SETD3: variants seen among roughly 807,000 people sequenced by gnomAD.
The protein encoded by SETD3 is SET domain containing 3, actin N3(tau)-histidine methyltransferase.
In SETD3, 19 loss-of-function variants were observed where a neutral mutation model predicts 63.0. The observed-to-expected ratio is 0.30, with a 90% confidence interval of 0.21 to 0.44. The LOEUF (loss-of-function observed/expected upper bound fraction) is 0.44. SETD3 is among the 20% of genes least tolerant of loss of function. The pLI is 1.00. For missense variants in SETD3, 587 were observed against 728.5 expected, an observed-to-expected ratio of 0.81 and a Z score of 2.24; for synonymous variants, 286 against 264.1, an observed-to-expected ratio of 1.08 and a Z score of -0.80.
intron 6 of SETD3, among the ~76,000 whole-genome samples, chr14:99,441,417 G>A (rs1030220150): frequency 2.0e-5 from 3 of 152,196 alleles, no homozygotes; most frequent in African/African-American, 7.2e-5. Flanking sequence ...TAGGCCAGGC[G>A]GCAGTGCCAC....
chr14:99,452,768 C>T (rs1894530342), intron 6 of SETD3, among the ~76,000 whole-genome samples: 1 of 152,210 alleles, frequency 6.6e-6, no homozygotes, highest in Non-Finnish European at 1.5e-5. Context: ...CTGAATTGTG[C>T]TTGCTGTCAC....
intron 1 of SETD3, among the ~76,000 whole-genome samples, chr14:99,469,542 G>C (rs950039462): frequency 6.6e-6 from 1 of 152,160 alleles, no homozygotes; most frequent in African/African-American, 2.4e-5. Context: ...CCAGGAGTTT[G>C]AGACCAGCCT....
At chr14:99,401,568 C>T (rs1484169416) in intron 11 of SETD3, among the ~76,000 whole-genome samples, 1 of 152,192 alleles carries the variant, frequency 6.6e-6, no homozygotes, top group Admixed American at 6.5e-5. Context: ...AGAGAATCAA[C>T]AGACCTAAAA....
At chr14:99,456,201 G>C (rs8022919) in intron 6 of SETD3, among the ~76,000 whole-genome samples, 63,804 of 152,040 alleles carry the variant, frequency 0.42, 13,887 homozygotes, top group East Asian at 0.56. Context: ...ACTTATATGT[G>C]TGACCAGACA....
chr14:99,482,199 A>G (rs1896355329), upstream of SETD3, among the ~76,000 whole-genome samples: 1 of 152,240 alleles, frequency 6.6e-6, no homozygotes, highest in Non-Finnish European at 1.5e-5. Flanking sequence ...ATCTGAGGTT[A>G]GGAACTATTT....
intron 6 of SETD3, among the ~76,000 whole-genome samples, chr14:99,438,644 G>A (rs777917883): frequency 3.9e-5 from 6 of 152,094 alleles, no homozygotes; most frequent in South Asian, 2.1e-4. Flanking sequence ...GGTACTTCTC[G>A]GATTCACCAG....
At chr14:99,410,934 C>T (rs1275570002) in intron 8 of SETD3, among the ~76,000 whole-genome samples, 1 of 152,198 alleles carries the variant, frequency 6.6e-6, no homozygotes, top group Non-Finnish European at 1.5e-5. Flanking sequence ...AGATGATCGT[C>T]AGGATAGACA....
chr14:99,439,791 T>A (rs1893698669), intron 6 of SETD3, among the ~76,000 whole-genome samples: 1 of 151,258 alleles, frequency 6.6e-6, no homozygotes, highest in Non-Finnish European at 1.5e-5. Context: ...TGTATTTATA[T>A]GTATAAATAT....
At chr14:99,450,458 G>A (rs1320624245) in intron 6 of SETD3, among the ~76,000 whole-genome samples, 2 of 152,228 alleles carry the variant, frequency 1.3e-5, no homozygotes, top group African/African-American at 4.8e-5. Context: ...ATCTTCCTCT[G>A]CCTCTTGGCG....
chr14:99,406,005 A>AT (rs1891661404), intron 9 of SETD3, among the ~76,000 whole-genome samples: 1 of 152,196 alleles, frequency 6.6e-6, no homozygotes, highest in Admixed American at 6.5e-5. Context: ...GAATGTAGGA[A>AT]TTTATAGACA....
At chr14:99,409,545 A>G (rs1359944391) in intron 8 of SETD3, among the ~76,000 whole-genome samples, 1 of 152,194 alleles carries the variant, frequency 6.6e-6, no homozygotes, top group Non-Finnish European at 1.5e-5. Flanking sequence ...TCAATGGCAC[A>G]CTTGGTGCAC....
At chr14:99,460,518 G>A (rs927609967) in intron 4 of SETD3, among the ~76,000 whole-genome samples, 11 of 151,862 alleles carry the variant, frequency 7.2e-5, no homozygotes, top group Admixed American at 3.9e-4. Flanking sequence ...GAATGCATAC[G>A]GGCAACTAGC....
intron 6 of SETD3, among the ~76,000 whole-genome samples, chr14:99,435,171 T>C (rs780759962): frequency 5.9e-5 from 9 of 152,188 alleles, no homozygotes; most frequent in Admixed American, 1.3e-4. Flanking sequence ...TGTTTATTCA[T>C]AGACTATGAA....
intron 6 of SETD3, among the ~76,000 whole-genome samples, chr14:99,439,157 G>T (rs971351502): frequency 6.6e-6 from 1 of 152,204 alleles, no homozygotes; most frequent in South Asian, 2.1e-4. Flanking sequence ...AGATTCAGGC[G>T]ACAGACTCAT....
chr14:99,425,535 C>T (rs1892833320), intron 6 of SETD3, among the ~76,000 whole-genome samples: 1 of 152,246 alleles, frequency 6.6e-6, no homozygotes, highest in African/African-American at 2.4e-5. Context: ...AAACAGTAAG[C>T]AGTCAGTAGG....
At chr14:99,443,497 C>G (rs1477340244) in intron 6 of SETD3, among the ~76,000 whole-genome samples, 14 of 152,108 alleles carry the variant, frequency 9.2e-5, no homozygotes, top group Non-Finnish European at 1.9e-4. Flanking sequence ...AGTGATCCGC[C>G]CACCTTGGCC....
chr14:99,421,325 T>G (rs559093860), intron 6 of SETD3, among the ~76,000 whole-genome samples: 2 of 152,122 alleles, frequency 1.3e-5, no homozygotes, highest in African/African-American at 4.8e-5. Flanking sequence ...TAATATATTG[T>G]TTTAGTTTTA....
intron 1 of SETD3, among the ~76,000 whole-genome samples, chr14:99,468,972 A>G (rs79422691): frequency 0.043 from 6,543 of 152,246 alleles, 472 homozygotes; most frequent in African/African-American, 0.15. Flanking sequence ...AGGTCAGGTT[A>G]CAATCCTCAT....
At chr14:99,410,072 G>T in intron 8 of SETD3, 1 of 737,560 alleles carries the variant, frequency 1.4e-6, no homozygotes, top group East Asian at 2.5e-5. Context: ...GCAGGAGGGC[G>T]GATGAGCTGG....
Sources: gnomAD v4.1 joint callset for allele counts (sites outside exome capture counted in the v4.1 genomes callset) on GRCh38, gnomAD v4.1.1 for gene constraint, MANE v1.5 for transcripts, NCBI Gene and HGNC (gene_info 2026-07-23, HGNC 2026-07-21) for gene names.